The following FIP1L1 variants were observed in gnomAD, a reference collection of about 807,000 sequenced individuals.
The protein encoded by FIP1L1 is pre-mRNA 3'-end-processing factor FIP1.
FIP1L1 carries 21 observed loss-of-function variants against 84.6 expected under a neutral mutation model. That is an observed-to-expected ratio of 0.25 (90% CI 0.18 to 0.36). FIP1L1 has a LOEUF of 0.36. Ranked by LOEUF, FIP1L1 falls within the 10% of genes least tolerant of loss-of-function variation. The pLI is 1.00. For synonymous variants in FIP1L1, 263 were observed against 242.3 expected (o/e 1.09, Z -0.80); for missense variants, 526 against 751.1 (o/e 0.70, Z 3.50).
intron 3 of FIP1L1, among the ~76,000 whole-genome samples, chr4:53,381,855 C>T (rs145470059): frequency 6.9e-6 from 1 of 145,884 alleles, no homozygotes; most frequent in Non-Finnish European, 1.5e-5. Flanking sequence ...CCTCTATCTC[C>T]TGGGTTCAAG....
chr4:53,440,126 A>C (rs1167324303), intron 13 of FIP1L1, among the ~76,000 whole-genome samples: 1 of 152,038 alleles, frequency 6.6e-6, no homozygotes, highest in African/African-American at 2.4e-5. Context: ...AATGAACCAC[A>C]ACATATTGAG....
At chr4:53,397,913 T>A (rs1347922112) in intron 9 of FIP1L1, among the ~76,000 whole-genome samples, 1 of 152,214 alleles carries the variant, frequency 6.6e-6, no homozygotes, top group African/African-American at 2.4e-5. Flanking sequence ...CTTTGAGATG[T>A]CTGTTAGACA....
intron 10 of FIP1L1, among the ~76,000 whole-genome samples, chr4:53,408,778 T>G (rs1755320106): frequency 6.6e-6 from 1 of 152,226 alleles, no homozygotes; most frequent in Non-Finnish European, 1.5e-5. Context: ...TTCTTTCAGT[T>G]GATCACCTCG....
At chr4:53,399,528 G>A (rs934614408) in intron 9 of FIP1L1, among the ~76,000 whole-genome samples, 14 of 152,118 alleles carry the variant, frequency 9.2e-5, no homozygotes, top group Non-Finnish European at 1.5e-5. Context: ...TTGATAGTTG[G>A]AACATTTTGA....
intron 15 of FIP1L1, among the ~76,000 whole-genome samples, chr4:53,445,610 A>G (rs993064275): frequency 6.6e-6 from 1 of 152,162 alleles, no homozygotes; most frequent in Non-Finnish European, 1.5e-5. Flanking sequence ...TTCATGAGCA[A>G]CCAGTTGTGG....
chr4:53,436,569 T>A (rs1769295975), intron 13 of FIP1L1, among the ~76,000 whole-genome samples: 1 of 152,054 alleles, frequency 6.6e-6, no homozygotes, highest in South Asian at 2.1e-4. Context: ...TAGAAATAAG[T>A]CACAATGTCC....
Position 53,460,824 on chromosome 4 carries a change from T to G in FIP1L1, c.*1375T>G. The G allele has an allele frequency of 7.7e-7, 1 of 1,306,456 alleles. No homozygotes were observed. The highest frequency in any genetic ancestry group is 1.1e-6 in the Non-Finnish European group (1 of 943,582). The allele number at this position is 1,306,456 out of a possible 1,614,324, so 80.9% of individuals were successfully genotyped here. A position where few individuals can be genotyped will look rare whatever the true frequency, so the allele number is the denominator to read the frequency against. On this transcript the variant is annotated 3_prime_UTR_variant, in exon 18 of 18. Coordinates refer to ENST00000337488, the MANE Select transcript of FIP1L1 (RefSeq NM_030917.4). The stretch of plus-strand genomic sequence containing the variant: ...TTACAATGTATTCTTTCTTTAAATA[T>G]AAAAACTGACAAGATAAATATAGTG...
chr4:53,379,030 G>A (rs766531274), intron 1 of FIP1L1, 43 bp from the exon 2 acceptor site: 2 of 1,581,810 alleles, frequency 1.3e-6, no homozygotes, highest in Non-Finnish European at 1.7e-6. Context: ...TAAGTATCTT[G>A]TTAAGTAATT....
Position 53,460,134 on chromosome 4 carries a change from C to T in FIP1L1, c.*685C>T, listed in dbSNP as rs1339182407. The T allele has an allele frequency of 1.5e-5, 3 of 198,778 alleles. No individual in the cohort carries two copies. Among genetic ancestry groups the T allele is most frequent in the African/African-American group, 6.9e-5 (3 of 43,454 alleles). 12.3% of individuals were successfully genotyped at this position (198,778 alleles called of 1,614,324 possible). A position where few individuals can be genotyped will look rare whatever the true frequency, so the allele number is the denominator to read the frequency against. ...TTCATTGTGGCACAAATTTAAATCG[C>T]CTCATGACCATGTCTGTGAGCCAGG... On this transcript the variant is annotated 3_prime_UTR_variant, in exon 18 of 18. Coordinates refer to ENST00000337488, the MANE Select transcript of FIP1L1 (RefSeq NM_030917.4).
At chr4:53,448,962 A>T (rs1375485105) in intron 15 of FIP1L1, among the ~76,000 whole-genome samples, 2 of 152,062 alleles carry the variant, frequency 1.3e-5, no homozygotes, top group Non-Finnish European at 2.9e-5. Flanking sequence ...ATTCAGAAAT[A>T]GTTGTTTGGT....
At chr4:53,401,987 C>T (rs1178003869) in intron 10 of FIP1L1, among the ~76,000 whole-genome samples, 1 of 152,094 alleles carries the variant, frequency 6.6e-6, no homozygotes, top group African/African-American at 2.4e-5. Flanking sequence ...CCTTGGGGCA[C>T]TCCCTTGTAT....
intron 10 of FIP1L1, among the ~76,000 whole-genome samples, chr4:53,412,560 G>C (rs1757687240): frequency 1.3e-5 from 2 of 151,988 alleles, no homozygotes; most frequent in Non-Finnish European, 2.9e-5. Flanking sequence ...TCTTGGTTTT[G>C]CCTGATATTT....
At chr4:53,436,937 C>G (rs1176883728) in intron 13 of FIP1L1, among the ~76,000 whole-genome samples, 1 of 152,066 alleles carries the variant, frequency 6.6e-6, no homozygotes, top group African/African-American at 2.4e-5. Context: ...CTCCTGTAAT[C>G]CCAGCACTTT....
Position 53,399,727 on chromosome 4 carries a change from A to T in FIP1L1, c.706-3A>T, listed in dbSNP as rs1749267779. 1 of 1,573,236 alleles carries T rather than the reference A, an allele frequency of 6.4e-7. No individual in the cohort carries two copies. The highest frequency in any genetic ancestry group is 1.1e-5 in the South Asian group (1 of 87,114). ...AACAAGCTAATAACCTTTTTTTTTT[A>T]AGGTACAGCAGGGAAGAACTGGAAA... On this transcript the variant is annotated splice_polypyrimidine_tract_variant and splice_region_variant and intron_variant, in intron 9 of 17. Coordinates refer to ENST00000337488, the MANE Select transcript of FIP1L1 (RefSeq NM_030917.4).
Position 53,453,163 on chromosome 4 carries a change from T to C in FIP1L1, c.1499+30T>C, listed in dbSNP as rs1380800988. The C allele has an allele frequency of 3.0e-5, 48 of 1,606,662 alleles. No homozygotes were observed. In the Admixed American group the frequency reaches 7.0e-4, roughly 24 times the overall value. ...GTTGGGTGTGCAGGAGTTTATACTA[T>C]GTATTTTATAAGCACTTACAAATTT... On this transcript the variant is annotated intron_variant, in intron 16 of 17. Coordinates refer to ENST00000337488, the MANE Select transcript of FIP1L1 (RefSeq NM_030917.4).
chr4:53,453,271 T>G (rs1717102064), intron 16 of FIP1L1, 138 bp downstream of exon 16: 1 of 949,288 alleles, frequency 1.1e-6, no homozygotes, highest in South Asian at 1.7e-5. Flanking sequence ...CTTAAAATGA[T>G]AAAGGATTAG....
At chr4:53,453,176 C>G in intron 16 of FIP1L1, 43 bp downstream of exon 16, 1 of 1,599,520 alleles carries the variant, frequency 6.3e-7, no homozygotes. Flanking sequence ...ATTTTATAAG[C>G]ACTTACAAAT....
chr4:53,401,973 A>T (rs908228142), intron 10 of FIP1L1, among the ~76,000 whole-genome samples: 2 of 152,216 alleles, frequency 1.3e-5, no homozygotes, highest in Non-Finnish European at 1.5e-5. Context: ...GTGGTAAGAG[A>T]CAGCCTTGGG....
intron 13 of FIP1L1, among the ~76,000 whole-genome samples, chr4:53,437,965 T>C (rs774059891): frequency 7.9e-5 from 12 of 152,002 alleles, no homozygotes; most frequent in Non-Finnish European, 1.8e-4. Flanking sequence ...GACTTTGTGA[T>C]CTACCTGCCT....
Sources: gnomAD v4.1 joint callset for allele counts (sites outside exome capture counted in the v4.1 genomes callset) on GRCh38, gnomAD v4.1.1 for gene constraint, MANE v1.5 for transcripts, NCBI Gene and HGNC (gene_info 2026-07-23, HGNC 2026-07-21) for gene names.